CNTNAP2: variants seen among roughly 807,000 people sequenced by gnomAD.
The protein encoded by CNTNAP2 is contactin associated protein 2.
Under a neutral mutation model 155.2 loss-of-function variants are expected in CNTNAP2, and 98 were observed. The observed-to-expected ratio is 0.63, with a 90% CI of 0.54 to 0.75. CNTNAP2 has a LOEUF of 0.75. Among genes scored for constraint, CNTNAP2 ranks in the 30% least tolerant of loss-of-function variants. The pLI is 0.00. For synonymous variants in CNTNAP2, 651 were observed against 631.2 expected (o/e 1.03, Z -0.47); for missense variants, 1,727 against 1,688.1 (o/e 1.02, Z -0.40).
intron 13 of CNTNAP2, among the ~76,000 whole-genome samples, chr7:147,760,960 C>G (rs982408747): frequency 6.6e-6 from 1 of 152,112 alleles, no homozygotes; most frequent in Non-Finnish European, 1.5e-5. Context: ...CAGTTATATT[C>G]TTATGAGGTT....
intron 13 of CNTNAP2, among the ~76,000 whole-genome samples, chr7:147,868,826 A>G (rs1023314845): frequency 6.6e-6 from 1 of 152,236 alleles, no homozygotes; most frequent in Non-Finnish European, 1.5e-5. Flanking sequence ...AGACCTTGGG[A>G]AAAGTGCAGT....
intron 1 of CNTNAP2, among the ~76,000 whole-genome samples, chr7:146,377,841 A>G (rs192240561): frequency 1.2e-3 from 182 of 152,328 alleles, no homozygotes; most frequent in Non-Finnish European, 1.9e-3. Flanking sequence ...TTAATTGTTG[A>G]AGTTGGATTA....
chr7:146,633,223 C>T (rs1354873791), intron 1 of CNTNAP2, among the ~76,000 whole-genome samples: 1 of 152,324 alleles, frequency 6.6e-6, no homozygotes, highest in Admixed American at 6.5e-5. Flanking sequence ...CTACCAAATA[C>T]TTCCACAATT....
intron 2 of CNTNAP2, among the ~76,000 whole-genome samples, chr7:146,780,235 G>A (rs1490140574): frequency 1.3e-5 from 2 of 152,008 alleles, no homozygotes; most frequent in African/African-American, 4.8e-5. Flanking sequence ...GCCCAGGCTG[G>A]AGTGCAGTGG....
intron 9 of CNTNAP2, among the ~76,000 whole-genome samples, chr7:147,324,553 A>G (rs1795415530): frequency 6.6e-6 from 1 of 152,162 alleles, no homozygotes; most frequent in African/African-American, 2.4e-5. Context: ...TTAAAGACAT[A>G]CTTTAGAACA....
chr7:146,748,145 T>TTTC (rs1312227204), intron 1 of CNTNAP2, among the ~76,000 whole-genome samples: 9 of 138,906 alleles, frequency 6.5e-5, no homozygotes, highest in African/African-American at 2.2e-4. Flanking sequence ...TTTCTTTTCT[T>TTTC]TTTTTTTTTT....
chr7:147,284,990 T>C (rs939025834), intron 8 of CNTNAP2, among the ~76,000 whole-genome samples: 4 of 151,860 alleles, frequency 2.6e-5, no homozygotes, highest in Non-Finnish European at 2.9e-5. Context: ...CACTGAGTTT[T>C]TGCCTATATC....
intron 3 of CNTNAP2, among the ~76,000 whole-genome samples, chr7:146,970,968 A>G (rs1797780944): frequency 6.6e-6 from 1 of 152,190 alleles, no homozygotes; most frequent in East Asian, 1.9e-4. Context: ...ATAACAAAAA[A>G]CCAAACACTG....
At chr7:146,346,749 A>G (rs1794823777) in intron 1 of CNTNAP2, among the ~76,000 whole-genome samples, 1 of 151,978 alleles carries the variant, frequency 6.6e-6, no homozygotes, top group African/African-American at 2.4e-5. Flanking sequence ...AATCTAACTA[A>G]TGCCTGATGA....
chr7:146,248,820 C>T (rs1166175074), intron 1 of CNTNAP2, among the ~76,000 whole-genome samples: 5 of 152,116 alleles, frequency 3.3e-5, no homozygotes, highest in Admixed American at 1.3e-4. Context: ...AAATTTCATG[C>T]GCCTCCGTGT....
chr7:146,676,433 A>G (rs1800398701), intron 1 of CNTNAP2, among the ~76,000 whole-genome samples: 1 of 126,936 alleles, frequency 7.9e-6, no homozygotes, highest in African/African-American at 2.6e-5. Context: ...TGTGGCAGCT[A>G]CAAGTGTTTG....
At position 146,788,291 on chromosome 7, in the gene CNTNAP2, C is replaced by T. The variant is rs77652663; in HGVS notation, c.208+13910C>T. Among the ~76,000 whole-genome samples, 1,093 of 152,282 alleles carry T rather than the reference C, an allele frequency of 7.2e-3. 10 individuals carry two copies. Among genetic ancestry groups the T allele is most frequent in the African/African-American group, 0.024 (1,004 of 41,580 alleles). ...AGCGGGCTGAAGGGCTCCTGGAGTG[C>T]GGCCAGAGTGGACGCCGAGGCCGAG... On this transcript the variant is annotated intron_variant, in intron 2 of 23. Coordinates refer to ENST00000361727, the MANE Select transcript of CNTNAP2 (RefSeq NM_014141.6).
At chr7:146,442,447 T>C (rs535551173) in intron 1 of CNTNAP2, among the ~76,000 whole-genome samples, 3 of 152,160 alleles carry the variant, frequency 2.0e-5, no homozygotes, top group Non-Finnish European at 4.4e-5. Flanking sequence ...TGTGTGTGTG[T>C]GTGCGTGCGC....
At chr7:147,147,781 C>T (rs540248596) in intron 8 of CNTNAP2, among the ~76,000 whole-genome samples, 5 of 152,236 alleles carry the variant, frequency 3.3e-5, no homozygotes, top group African/African-American at 1.2e-4. Flanking sequence ...CTTTCTTCCT[C>T]TACCTTTACT....
chr7:147,503,699 AT>A (rs767282768), intron 11 of CNTNAP2, among the ~76,000 whole-genome samples: 63 of 97,078 alleles, frequency 6.5e-4, no homozygotes, highest in Admixed American at 1.5e-3. Flanking sequence ...AAAAAAAAAT[AT>A]TTTTGACAGC....
At chr7:146,931,416 C>T (rs1314369286) in intron 3 of CNTNAP2, among the ~76,000 whole-genome samples, 1 of 148,564 alleles carries the variant, frequency 6.7e-6, no homozygotes, top group East Asian at 1.9e-4. Context: ...ATACCAGAAT[C>T]TCTGGGACGC....
At chr7:147,363,777 A>T (rs564983782) in intron 9 of CNTNAP2, among the ~76,000 whole-genome samples, 1 of 152,348 alleles carries the variant, frequency 6.6e-6, no homozygotes, top group Middle Eastern at 3.4e-3. Flanking sequence ...TTATGCCAGT[A>T]ATTCTTTATC....
At chr7:148,410,961 T>C (rs1799821048) in intron 23 of CNTNAP2, among the ~76,000 whole-genome samples, 1 of 152,194 alleles carries the variant, frequency 6.6e-6, no homozygotes, top group Non-Finnish European at 1.5e-5. Context: ...CACTATTCCT[T>C]ATATACGTGT....
intron 3 of CNTNAP2, among the ~76,000 whole-genome samples, chr7:146,910,454 G>C (rs1199588661): frequency 2.0e-5 from 3 of 149,174 alleles, no homozygotes; most frequent in Non-Finnish European, 4.4e-5. Context: ...TACCAAAACA[G>C]AGATATAGAT....
Sources: allele counts gnomAD v4.1 joint callset (sites outside exome capture counted in the v4.1 genomes callset), GRCh38; gene constraint gnomAD v4.1.1; transcripts MANE v1.5; gene names NCBI Gene and HGNC (gene_info 2026-07-23, HGNC 2026-07-21).